Variants in ITSN1 observed in about 807,000 individuals in gnomAD.
ITSN1 encodes the protein intersectin-1.
A neutral mutation model predicts 239.8 loss-of-function variants in ITSN1; 58 were observed. That is an observed-to-expected ratio of 0.24 (90% CI 0.20 to 0.30). The LOEUF (loss-of-function observed/expected upper bound fraction) is 0.30. Among genes scored for constraint, ITSN1 ranks in the 10% least tolerant of loss-of-function variants. ITSN1 has a pLI of 1.00. For synonymous variants in ITSN1, 780 were observed against 770.8 expected, an observed-to-expected ratio of 1.01 and a Z score of -0.20; for missense variants, 1,558 against 2,103.3, an observed-to-expected ratio of 0.74 and a Z score of 5.07.
chr21:33,684,813 A>G (rs1378010581), intron 1 of ITSN1, among the ~76,000 whole-genome samples: 2 of 152,176 alleles, frequency 1.3e-5, no homozygotes, highest in African/African-American at 4.8e-5. Context: ...CTGAAGAGTA[A>G]TTGTAATTGT....
intron 1 of ITSN1, among the ~76,000 whole-genome samples, chr21:33,660,108 T>C (rs892064314): frequency 8.5e-5 from 13 of 152,204 alleles, no homozygotes; most frequent in Non-Finnish European, 4.4e-5. Flanking sequence ...GCTCTGGTCT[T>C]AGTCCAGGCC....
chr21:33,708,641 C>T (rs2092323453), intron 1 of ITSN1, among the ~76,000 whole-genome samples: 1 of 152,200 alleles, frequency 6.6e-6, no homozygotes, highest in Non-Finnish European at 1.5e-5. Context: ...CCGCCTTGGC[C>T]TCCCAAAGTG....
At chr21:33,704,934 A>AG in intron 1 of ITSN1, among the ~76,000 whole-genome samples, 1 of 146,622 alleles carries the variant, frequency 6.8e-6, no homozygotes, top group East Asian at 2.0e-4. Context: ...AAAAAAAAAA[A>AG]AAAAAAAAAA....
At chr21:33,782,975 A>G (rs2070327690) in intron 16 of ITSN1, among the ~76,000 whole-genome samples, 1 of 152,202 alleles carries the variant, frequency 6.6e-6, no homozygotes, top group South Asian at 2.1e-4. Context: ...CAGTAAGCCA[A>G]GATCACGCCA....
intron 29 of ITSN1, among the ~76,000 whole-genome samples, chr21:33,849,979 G>C (rs1039800794): frequency 6.6e-6 from 1 of 152,200 alleles, no homozygotes; most frequent in African/African-American, 2.4e-5. Context: ...GTGGGACATA[G>C]AAGGGGCCTG....
chr21:33,684,378 G>A (rs1316851413), intron 1 of ITSN1, among the ~76,000 whole-genome samples: 1 of 152,168 alleles, frequency 6.6e-6, no homozygotes, highest in African/African-American at 2.4e-5. Context: ...TCCTTTGTGT[G>A]TTGTAATTCT....
At chr21:33,753,586 C>A (rs2067704591) in intron 7 of ITSN1, among the ~76,000 whole-genome samples, 1 of 151,778 alleles carries the variant, frequency 6.6e-6, no homozygotes. Flanking sequence ...CATGGTGAAA[C>A]CCCGTCTCTA....
chr21:33,716,347 G>T (rs891197173), intron 1 of ITSN1: 2 of 152,196 alleles, frequency 1.3e-5, no homozygotes, highest in African/African-American at 4.8e-5. Context: ...GGTGAAGCAC[G>T]GGATTGAAAG....
chr21:33,828,130 A>G (rs1480331242), intron 26 of ITSN1, among the ~76,000 whole-genome samples: 2 of 152,256 alleles, frequency 1.3e-5, no homozygotes, highest in African/African-American at 2.4e-5. Context: ...TTTGCTTTGC[A>G]CTGAAACTAG....
chr21:33,658,731 C>T (rs1391197458), intron 1 of ITSN1, among the ~76,000 whole-genome samples: 1 of 152,178 alleles, frequency 6.6e-6, no homozygotes, highest in Non-Finnish European at 1.5e-5. Context: ...CTGTATATCC[C>T]ATCTTGGTGA....
At chr21:33,650,329 A>G (rs2088398095) in intron 1 of ITSN1, among the ~76,000 whole-genome samples, 1 of 152,060 alleles carries the variant, frequency 6.6e-6, no homozygotes, top group Non-Finnish European at 1.5e-5. Context: ...AAGGACGCTG[A>G]CTCTTACCAT....
At chr21:33,710,849 A>G (rs2092395093) in intron 1 of ITSN1, among the ~76,000 whole-genome samples, 1 of 145,678 alleles carries the variant, frequency 6.9e-6, no homozygotes, top group South Asian at 2.2e-4. Flanking sequence ...CTCCGTCGCC[A>G]GGCTGGAGTG....
chr21:33,649,794 A>G (rs2088336613), intron 1 of ITSN1, among the ~76,000 whole-genome samples: 1 of 152,052 alleles, frequency 6.6e-6, no homozygotes, highest in South Asian at 2.1e-4. Flanking sequence ...AGGTGTGCGG[A>G]TCATGAGGTC....
At chr21:33,868,526 G>A (rs1163071537) in intron 33 of ITSN1, among the ~76,000 whole-genome samples, 1 of 152,156 alleles carries the variant, frequency 6.6e-6, no homozygotes, top group Non-Finnish European at 1.5e-5. Flanking sequence ...CACTGCTGGG[G>A]GACCCAGTAC....
chr21:33,842,919 T>A (rs1449756838), intron 29 of ITSN1, among the ~76,000 whole-genome samples: 3 of 152,058 alleles, frequency 2.0e-5, no homozygotes, highest in Admixed American at 6.5e-5. Flanking sequence ...CCCCTCCCAT[T>A]TCCTATGCTG....
At chr21:33,771,437 G>C (rs1276299799) in intron 11 of ITSN1, among the ~76,000 whole-genome samples, 2 of 152,012 alleles carry the variant, frequency 1.3e-5, no homozygotes, top group Non-Finnish European at 2.9e-5. Flanking sequence ...CAAGGATGAT[G>C]GGATTGTAGA....
chr21:33,788,677 G>C (rs1017515513), intron 16 of ITSN1, among the ~76,000 whole-genome samples: 1 of 152,170 alleles, frequency 6.6e-6, no homozygotes, highest in Admixed American at 6.5e-5. Context: ...AGGATGCAGA[G>C]AGCCAAGATC....
At chr21:33,738,686 C>T (rs2066656026) in intron 5 of ITSN1, among the ~76,000 whole-genome samples, 1 of 152,178 alleles carries the variant, frequency 6.6e-6, no homozygotes, top group African/African-American at 2.4e-5. Context: ...AGGCATGAGC[C>T]ACCGCACCCG....
At chr21:33,781,179 G>C (rs2070150820) in intron 14 of ITSN1, among the ~76,000 whole-genome samples, 1 of 152,118 alleles carries the variant, frequency 6.6e-6, no homozygotes, top group Non-Finnish European at 1.5e-5. Flanking sequence ...CTGTGGAGTA[G>C]TACTTAATGT....
Sources: allele counts gnomAD v4.1 joint callset (sites outside exome capture counted in the v4.1 genomes callset), GRCh38; gene constraint gnomAD v4.1.1; transcripts MANE v1.5; gene names NCBI Gene and HGNC (gene_info 2026-07-23, HGNC 2026-07-21).